COL4A5: variants seen among roughly 807,000 people sequenced by gnomAD.
The protein encoded by COL4A5 is collagen type IV alpha 5 chain, also known as collagen alpha-5(IV) chain.
Under a neutral mutation model 130.2 loss-of-function variants are expected in COL4A5, and 26 were observed. That is an observed-to-expected ratio of 0.20 (90% confidence interval 0.15 to 0.28). COL4A5 has a LOEUF of 0.28. Among genes scored for constraint, COL4A5 ranks in the 10% least tolerant of loss-of-function variants. The pLI is 1.00. For synonymous variants in COL4A5, 496 were observed against 439.6 expected (o/e 1.13, Z -1.60); for missense variants, 1,131 against 1,344.3 (o/e 0.84, Z 2.48).
intron 18 of COL4A5, among the ~76,000 whole-genome samples, chrX:108,585,281 A>C (rs1003420835): frequency 8.9e-6 from 1 of 112,155 alleles, no homozygotes; most frequent in African/African-American, 3.2e-5. Flanking sequence ...AGTAACATTA[A>C]CTTAATTCGT....
At chrX:108,690,109 C>T in intron 49 of COL4A5, 1 of 551,609 alleles carries the variant, frequency 1.8e-6, no homozygotes, top group Non-Finnish European at 2.2e-6. Context: ...CTTTCATGTC[C>T]ATTGTCTAAT....
intron 1 of COL4A5, among the ~76,000 whole-genome samples, chrX:108,506,278 G>A (rs999720277): frequency 9.0e-6 from 1 of 110,952 alleles, no homozygotes; most frequent in Non-Finnish European, 1.9e-5. Context: ...AGTCTTGGTG[G>A]AAAAGATACT....
chrX:108,519,097 C>A (rs904947938), intron 1 of COL4A5, among the ~76,000 whole-genome samples: 2 of 111,174 alleles, frequency 1.8e-5, no homozygotes, highest in Non-Finnish European at 3.8e-5. Context: ...TTATTGATAG[C>A]ATTTGTTAGG....
At chrX:108,597,151 C>A in intron 23 of COL4A5, 83 bp downstream of exon 23, 1 of 845,716 alleles carries the variant, frequency 1.2e-6, no homozygotes, top group Non-Finnish European at 1.7e-6. Context: ...CATATATATA[C>A]ACACATATAC....
At position 108,606,889 on chromosome X, in the gene COL4A5, A is replaced by G. The variant is rs1298839151; in HGVS notation, c.2392A>G (p.Lys798Glu). The G allele has an allele frequency of 2.2e-5, 27 of 1,209,395 alleles. No individual in the cohort carries two copies. Among genetic ancestry groups the G allele is most frequent in the Non-Finnish European group, 2.8e-5 (25 of 894,747 alleles). Reference protein sequence around the residue: ...RTGLDGLPGPKGDVGPNGQPG... With the variant: ...RTGLDGLPGPEGDVGPNGQPG... Reference sequence around the variant, plus strand: ...TGGCTTAGATGGGCTCCCTGGACCAAAAGGTATGGAGGCTGTCACTGCATC... The same window carrying G: ...TGGCTTAGATGGGCTCCCTGGACCAGAAGGTATGGAGGCTGTCACTGCATC... The change falls in exon 29 of 53, where the codon AAA becomes GAA. Residue 798 changes from lysine (K) to glutamate (E), a missense_variant. Coordinates refer to ENST00000328300, the MANE Select transcript of COL4A5 (RefSeq NM_033380.3).
At chrX:108,571,523 A>T (rs2066064810) in intron 7 of COL4A5, 57 bp downstream of exon 7, 1 of 883,648 alleles carries the variant, frequency 1.1e-6, no homozygotes, top group Admixed American at 2.2e-5. Context: ...AGAAGCAGAA[A>T]TGTAGTGAGA....
At chrX:108,535,845 TC>T (rs1288082773) in intron 1 of COL4A5, among the ~76,000 whole-genome samples, 2 of 111,360 alleles carry the variant, frequency 1.8e-5, no homozygotes, top group African/African-American at 6.5e-5. Flanking sequence ...TTTACTTTTT[TC>T]CAAGCATTTT....
At chrX:108,602,843 T>C (rs1187375570) in intron 27 of COL4A5, 121 bp from the exon 28 acceptor site, 20 of 523,394 alleles carry the variant, frequency 3.8e-5, no homozygotes, top group Admixed American at 5.6e-5. Context: ...TAGAATGTCA[T>C]TGTGCTTTTG....
intron 2 of COL4A5, among the ~76,000 whole-genome samples, chrX:108,550,779 T>C (rs1364772451): frequency 6.2e-5 from 7 of 112,076 alleles, no homozygotes; most frequent in Non-Finnish European, 1.3e-4. Context: ...GAAAATGTTA[T>C]GACATATGCT....
At chrX:108,551,057 G>A (rs1157566785) in intron 2 of COL4A5, among the ~76,000 whole-genome samples, 1 of 111,401 alleles carries the variant, frequency 9.0e-6, no homozygotes, top group Non-Finnish European at 1.9e-5. Flanking sequence ...GAAAACATAG[G>A]AAATACCATT....
intron 36 of COL4A5, among the ~76,000 whole-genome samples, chrX:108,641,881 G>A (rs1227972295): frequency 8.9e-6 from 1 of 111,775 alleles, no homozygotes; most frequent in East Asian, 2.8e-4. Flanking sequence ...CAGGCGAGAA[G>A]CCTCCTGGCC....
chrX:108,621,988 G>T, intron 32 of COL4A5, 96 bp downstream of exon 32: 1 of 619,513 alleles, frequency 1.6e-6, no homozygotes, highest in South Asian at 2.4e-5. Context: ...GTTTTAAAAT[G>T]AGCAATGGTT....
At chrX:108,629,927 C>T (rs1001631909) in intron 36 of COL4A5, among the ~76,000 whole-genome samples, 2 of 110,844 alleles carry the variant, frequency 1.8e-5, no homozygotes, top group East Asian at 2.9e-4. Context: ...TCTCTCCTTG[C>T]GATAGTTTCC....
intron 51 of COL4A5, 120 bp from the exon 52 acceptor site, chrX:108,695,147 C>A: frequency 2.2e-6 from 2 of 919,940 alleles, no homozygotes; most frequent in Non-Finnish European, 3.1e-6. Flanking sequence ...TATTGTCTTA[C>A]CTCTGGGCCT....
At chrX:108,466,733 G>T (rs1407664237) in intron 1 of COL4A5, among the ~76,000 whole-genome samples, 2 of 109,252 alleles carry the variant, frequency 1.8e-5, no homozygotes, top group African/African-American at 6.7e-5. Context: ...CTGAGTAGCT[G>T]GGCCTGCAGG....
In COL4A5 at chrX:108,597,980, C is replaced by A. The variant is rs2066550599; in HGVS notation, c.1779+412C>A. 2.7e-5 allele frequency among the ~76,000 whole-genome samples: 3 copies of A among 110,338 alleles called. No individual in the cohort carries two copies. In the South Asian group the frequency reaches 1.2e-3, roughly 43 times the overall value. On this transcript the variant is annotated intron_variant, in intron 24 of 52. Coordinates refer to ENST00000328300, the MANE Select transcript of COL4A5 (RefSeq NM_033380.3). ...CTGAGGTGGGCGGATCACCTGAGGTCAGGAGTTCGAGACCAGCCTGGCCAA... is the reference window on the plus strand; with the variant it reads ...CTGAGGTGGGCGGATCACCTGAGGTAAGGAGTTCGAGACCAGCCTGGCCAA...
chrX:108,532,482 A>C (rs2065397620), intron 1 of COL4A5, among the ~76,000 whole-genome samples: 1 of 111,936 alleles, frequency 8.9e-6, no homozygotes, highest in South Asian at 3.7e-4. Context: ...ATATTAAATG[A>C]AGAAAAGCTG....
chrX:108,657,538 T>C (rs2067866803), intron 37 of COL4A5, among the ~76,000 whole-genome samples: 1 of 111,787 alleles, frequency 8.9e-6, no homozygotes, highest in Non-Finnish European at 1.9e-5. Context: ...TGTAGGGATT[T>C]TTAAGTTTGC....
chrX:108,638,908 G>T (rs982054641), intron 36 of COL4A5, among the ~76,000 whole-genome samples: 13 of 111,463 alleles, frequency 1.2e-4, no homozygotes, highest in African/African-American at 4.2e-4. Context: ...ACAAAATATT[G>T]CTAAAAGGAA....
Sources: gnomAD v4.1 joint callset for allele counts (sites outside exome capture counted in the v4.1 genomes callset) on GRCh38, gnomAD v4.1.1 for gene constraint, MANE v1.5 for transcripts, NCBI Gene and HGNC (gene_info 2026-07-23, HGNC 2026-07-21) for gene names.